The following SMURF1 variants were observed in gnomAD, a reference collection of about 807,000 sequenced individuals.
The protein encoded by SMURF1 is E3 ubiquitin-protein ligase SMURF1.
Under a neutral mutation model 98.0 loss-of-function variants are expected in SMURF1, and 44 were observed. That is an observed-to-expected ratio of 0.45 (90% CI 0.35 to 0.58). SMURF1 has a LOEUF of 0.58. SMURF1 is among the 20% of genes least tolerant of loss of function. The pLI is 0.00. For missense variants in SMURF1, 687 were observed against 938.4 expected (o/e 0.73, Z 3.50); for synonymous variants, 396 against 374.9 (o/e 1.06, Z -0.65).
chr7:99,059,409 AAATAAAATAAAATAAAAT>A (rs1795971980), intron 3 of SMURF1, among the ~76,000 whole-genome samples: 1 of 33,954 alleles, frequency 2.9e-5, no homozygotes, highest in African/African-American at 1.5e-4. Flanking sequence ...AAAAAAAATA[AAATAAAATAAAATAAAAT>A]AAAATAAAAT....
intron 1 of SMURF1, among the ~76,000 whole-genome samples, chr7:99,111,741 C>T (rs1797327275): frequency 6.6e-6 from 1 of 152,212 alleles, no homozygotes; most frequent in Non-Finnish European, 1.5e-5. Flanking sequence ...TTGAAGGCAA[C>T]AGCTAACATT....
chr7:99,082,850 T>C (rs1796600143), intron 1 of SMURF1, among the ~76,000 whole-genome samples: 1 of 152,216 alleles, frequency 6.6e-6, no homozygotes, highest in Non-Finnish European at 1.5e-5. Flanking sequence ...AGCAAGTCCT[T>C]CAATCCATGA....
At chr7:99,032,902 G>T (rs1041740302) in intron 17 of SMURF1, 135 bp downstream of exon 17, 8 of 1,043,014 alleles carry the variant, frequency 7.7e-6, no homozygotes, top group Non-Finnish European at 1.1e-5. Flanking sequence ...AGGTGCTGTG[G>T]CTTTTGAGTT....
chr7:99,142,965 A>G lies in SMURF1; in HGVS notation c.55+761T>C, dbSNP rs569415773. The stretch of plus-strand genomic sequence containing the variant: ...AAAAACGGCGGAGGAGAAAAAAAGG[A>G]GAGAAGCAAGGGGGCGGGACCAGGA... On this transcript the variant is annotated intron_variant, in intron 1 of 17. Coordinates refer to ENST00000361368, the MANE Select transcript of SMURF1 (RefSeq NM_181349.3). 1.3e-3 allele frequency among the ~76,000 whole-genome samples: 179 copies of G among 137,194 alleles called. 1 individual carries two copies. The highest frequency in any genetic ancestry group is 4.1e-3 in the Middle Eastern group (1 of 242). The allele number at this position is 137,194 out of a possible 152,430, so 90.0% of individuals were successfully genotyped here. A position where few individuals can be genotyped will look rare whatever the true frequency, so the allele number is the denominator to read the frequency against.
chr7:99,113,837 TAAAAAAAAAA>T (rs71118659), intron 1 of SMURF1, among the ~76,000 whole-genome samples: 2 of 33,948 alleles, frequency 5.9e-5, no homozygotes, highest in African/African-American at 1.5e-4. Context: ...AGACTCCGTC[TAAAAAAAAAA>T]AAAAAAAAAA....
intron 16 of SMURF1, among the ~76,000 whole-genome samples, chr7:99,033,836 C>T (rs1335838797): frequency 6.6e-6 from 1 of 152,198 alleles, no homozygotes; most frequent in Non-Finnish European, 1.5e-5. Flanking sequence ...AAGTGAGCAC[C>T]AGGCTGGCCA....
chr7:99,099,158 T>C (rs1797017846), intron 1 of SMURF1, among the ~76,000 whole-genome samples: 3 of 151,964 alleles, frequency 2.0e-5, no homozygotes, highest in Non-Finnish European at 1.5e-5. Flanking sequence ...CTATGCAATG[T>C]TAAGGAATTT....
chr7:99,038,321 CT>C, intron 14 of SMURF1, 66 bp downstream of exon 14: 1 of 1,578,476 alleles, frequency 6.3e-7, no homozygotes, highest in African/African-American at 1.3e-5. Flanking sequence ...AGCGAAGGAG[CT>C]ACAGCAACTA....
At chr7:99,059,094 T>G (rs1052402109) in intron 3 of SMURF1, among the ~76,000 whole-genome samples, 5 of 142,484 alleles carry the variant, frequency 3.5e-5, no homozygotes, top group African/African-American at 1.3e-4. Flanking sequence ...AAAAAAAAAT[T>G]TAATTTAATT....
At chr7:99,038,052 T>TG (rs1795219776) in intron 14 of SMURF1, among the ~76,000 whole-genome samples, 1 of 151,910 alleles carries the variant, frequency 6.6e-6, no homozygotes, top group African/African-American at 2.4e-5. Context: ...ACTGAGAGGG[T>TG]GGCTTCCTCG....
At chr7:99,132,288 C>T (rs1194728211) in intron 1 of SMURF1, among the ~76,000 whole-genome samples, 1 of 152,106 alleles carries the variant, frequency 6.6e-6, no homozygotes, top group Non-Finnish European at 1.5e-5. Flanking sequence ...AACTCAGAGG[C>T]GACCAGGAGA....
intron 1 of SMURF1, among the ~76,000 whole-genome samples, chr7:99,110,883 G>C (rs926742926): frequency 6.6e-6 from 1 of 152,232 alleles, no homozygotes; most frequent in Non-Finnish European, 1.5e-5. Context: ...AAAAGGATGA[G>C]AGCGGTCCCC....
chr7:99,035,218 C>T (rs902227506), intron 16 of SMURF1, among the ~76,000 whole-genome samples: 4 of 152,220 alleles, frequency 2.6e-5, no homozygotes, highest in African/African-American at 7.2e-5. Context: ...GCCTCACAGA[C>T]ACTCTGAAGG....
In SMURF1 at chr7:99,057,190, C is replaced by T; in HGVS notation, c.403+15G>A. The T allele has an allele frequency of 6.2e-7, 1 of 1,613,646 alleles. No individual in the cohort carries two copies. Among genetic ancestry groups the T allele is most frequent in the South Asian group, 1.1e-5 (1 of 91,058 alleles). On this transcript the variant is annotated intron_variant, in intron 5 of 17. Transcript: ENST00000361368. ...CTGGAAAAGCATCTCTTTACACAGA[C>T]AAGAAAGTTCTTACCCACTATCTGG...
intron 1 of SMURF1, among the ~76,000 whole-genome samples, chr7:99,089,843 C>A (rs1584166862): frequency 6.6e-6 from 1 of 152,178 alleles, no homozygotes; most frequent in East Asian, 1.9e-4. Flanking sequence ...AACTTTTCTG[C>A]AAACCCACCT....
rs1440002639 is a variant in SMURF1, at chr7:99,030,474, C to T, written c.*110G>A. On this transcript the variant is annotated 3_prime_UTR_variant, in exon 18 of 18. Coordinates refer to ENST00000361368, the MANE Select transcript of SMURF1 (RefSeq NM_181349.3). The stretch of plus-strand genomic sequence containing the variant: ...AAGGAGAGAGACAACCCTTTCCCCT[C>T]AGGTGATCTGGAATTCCAGGGCCTC... 3.3e-6 allele frequency: 3 copies of T among 900,254 alleles called. No individual in the cohort carries two copies. Among genetic ancestry groups the T allele is most frequent in the Non-Finnish European group, 1.8e-6 (1 of 559,928 alleles). 55.8% of individuals were successfully genotyped at this position (900,254 alleles called of 1,614,324 possible).
At chr7:99,117,648 G>A (rs141778885) in intron 1 of SMURF1, among the ~76,000 whole-genome samples, 60 of 151,480 alleles carry the variant, frequency 4.0e-4, no homozygotes, top group African/African-American at 1.4e-3. Context: ...ACTGCACCCG[G>A]CCACAACAAA....
Position 99,030,551 on chromosome 7 carries a change from C to T in SMURF1, c.*33G>A, listed in dbSNP as rs755023278. On this transcript the variant is annotated 3_prime_UTR_variant, in exon 18 of 18. Coordinates refer to ENST00000361368, the MANE Select transcript of SMURF1 (RefSeq NM_181349.3). ...AGCTGGATGCTTTTGGTCTGGTGGC[C>T]ATGAGCTAGACTCTGTTGCCTTTGG... 5 of 1,589,318 alleles carry T rather than the reference C, an allele frequency of 3.1e-6. No homozygotes were observed. Among genetic ancestry groups the T allele is most frequent in the East Asian group, 4.5e-5 (2 of 44,760 alleles).
chr7:99,057,685 A>C, intron 3 of SMURF1, 134 bp from the exon 4 acceptor site: 1 of 1,052,836 alleles, frequency 9.5e-7, no homozygotes, highest in Non-Finnish European at 1.3e-6. Flanking sequence ...GCTCACTGCA[A>C]CTCCCAAGTT....
Sources: gnomAD v4.1 joint callset for allele counts (sites outside exome capture counted in the v4.1 genomes callset) on GRCh38, gnomAD v4.1.1 for gene constraint, MANE v1.5 for transcripts, NCBI Gene and HGNC (gene_info 2026-07-23, HGNC 2026-07-21) for gene names.